The following ACTR3 variants were observed in gnomAD, a reference collection of about 807,000 sequenced individuals.
ACTR3 encodes actin related protein 3.
Under a neutral mutation model 56.8 loss-of-function variants are expected in ACTR3, and 12 were observed. The observed-to-expected ratio is 0.21, with a 90% CI of 0.14 to 0.34. The LOEUF (loss-of-function observed/expected upper bound fraction) is 0.34, where lower values mean the gene tolerates loss of function less well. Among genes scored for constraint, ACTR3 ranks in the 10% least tolerant of loss-of-function variants. ACTR3 has a pLI of 1.00. For synonymous variants in ACTR3, 162 were observed against 167.4 expected (o/e 0.97, Z 0.25); for missense variants, 282 against 512.5 (o/e 0.55, Z 4.34).
At chr2:113,930,517 A>T (rs963210871) in intron 4 of ACTR3, among the ~76,000 whole-genome samples, 1 of 152,148 alleles carries the variant, frequency 6.6e-6, no homozygotes, top group Admixed American at 6.6e-5. Flanking sequence ...TTTCTTTTAC[A>T]TTTAAGTATT....
intron 6 of ACTR3, among the ~76,000 whole-genome samples, chr2:113,937,500 C>A (rs1186131075): frequency 6.6e-6 from 1 of 152,210 alleles, no homozygotes; most frequent in Non-Finnish European, 1.5e-5. Context: ...TTCCTTCTGT[C>A]AAAATGACAT....
chr2:113,919,302 C>T (rs1204158057), intron 3 of ACTR3, among the ~76,000 whole-genome samples: 1 of 152,074 alleles, frequency 6.6e-6, no homozygotes, highest in Non-Finnish European at 1.5e-5. Flanking sequence ...ATGTGGTCTA[C>T]TCATTGGATT....
chr2:113,913,885 C>A (rs1210085815), intron 2 of ACTR3, among the ~76,000 whole-genome samples: 1 of 152,158 alleles, frequency 6.6e-6, no homozygotes, highest in Admixed American at 6.5e-5. Context: ...CCTTGATTAA[C>A]GTACTTTTAC....
intron 2 of ACTR3, among the ~76,000 whole-genome samples, chr2:113,913,691 T>A (rs1251401701): frequency 2.6e-5 from 4 of 152,220 alleles, no homozygotes; most frequent in Non-Finnish European, 4.4e-5. Context: ...CTATCTCACC[T>A]TTAGAGATGT....
chr2:113,908,876 C>T (rs1679252386), intron 1 of ACTR3, among the ~76,000 whole-genome samples: 1 of 151,920 alleles, frequency 6.6e-6, no homozygotes, highest in African/African-American at 2.4e-5. Context: ...AGATTGTGTC[C>T]TGTACCACAT....
chr2:113,890,318 C>A lies in ACTR3; in HGVS notation c.39C>A (p.Gly13=), dbSNP rs1410997457. 1.3e-6 allele frequency: 2 copies of A among 1,528,502 alleles called. No individual in the cohort carries two copies. Among genetic ancestry groups the A allele is most frequent in the Admixed American group, 2.1e-5 (1 of 48,364 alleles). The allele number at this position is 1,528,502 out of a possible 1,614,324, so 94.7% of individuals were successfully genotyped here. The part of the protein sequence containing the change: ...GRLPACVVDC[G]TGYTKLGYAG... ...TGCCGGCCTGTGTGGTGGACTGTGG[C>A]ACGGGGTAAGGGGGCTTACGGGCGG... The change falls in exon 1 of 12, where the codon GGC becomes GGA. Residue 13 remains glycine, a synonymous_variant. Transcript: ENST00000263238.
chr2:113,948,062 C>G (rs910665547), intron 8 of ACTR3, among the ~76,000 whole-genome samples: 1 of 152,148 alleles, frequency 6.6e-6, no homozygotes, highest in African/African-American at 2.4e-5. Context: ...CTAGAGGTAA[C>G]CACTTCAAAC....
chr2:113,913,785 C>G (rs546820646), intron 2 of ACTR3, among the ~76,000 whole-genome samples: 1 of 152,262 alleles, frequency 6.6e-6, no homozygotes, highest in East Asian at 1.9e-4. Flanking sequence ...TTTTGTTAAT[C>G]TTGCTTAAGC....
At chr2:113,897,675 C>T (rs532517508) in intron 1 of ACTR3, among the ~76,000 whole-genome samples, 13 of 151,844 alleles carry the variant, frequency 8.6e-5, no homozygotes, top group African/African-American at 2.4e-4. Context: ...TATAGGCACC[C>T]GCCACGATGC....
chr2:113,934,840 A>G (rs986785777), intron 6 of ACTR3, among the ~76,000 whole-genome samples: 1 of 152,250 alleles, frequency 6.6e-6, no homozygotes, highest in East Asian at 1.9e-4. Flanking sequence ...CAGAAATAAC[A>G]TTTTTCTTCC....
chr2:113,894,612 A>G (rs567417157), intron 1 of ACTR3, among the ~76,000 whole-genome samples: 14 of 152,278 alleles, frequency 9.2e-5, no homozygotes, highest in Admixed American at 7.2e-4. Flanking sequence ...GTGTTGAAAT[A>G]TTGACTTTGG....
At chr2:113,935,820 T>C (rs1469394213) in intron 6 of ACTR3, among the ~76,000 whole-genome samples, 1 of 152,184 alleles carries the variant, frequency 6.6e-6, no homozygotes, top group East Asian at 1.9e-4. Context: ...TTGACTTGCC[T>C]AAGGTCACCA....
Position 113,958,293 on chromosome 2 carries a change from A to T in ACTR3, c.*838A>T, listed in dbSNP as rs547021843. 37 of 152,714 alleles carry T rather than the reference A, an allele frequency of 2.4e-4. No individual in the cohort carries two copies. Among genetic ancestry groups the T allele is most frequent in the African/African-American group, 8.7e-4 (36 of 41,588 alleles). 9.5% of individuals were successfully genotyped at this position (152,714 alleles called of 1,614,324 possible). ...AGCCTCTTTAATCTCTTTATAAGTT[A>T]ACTAATAAATCTATTTTCTTCAGAC... On this transcript the variant is annotated 3_prime_UTR_variant, in exon 12 of 12. Transcript: ENST00000263238.
chr2:113,913,389 CTATT>C (rs35359787), intron 2 of ACTR3, among the ~76,000 whole-genome samples, 162 bp downstream of exon 2: 7,237 of 152,208 alleles, frequency 0.048, 227 homozygotes, highest in Non-Finnish European at 0.071. Context: ...GTATGTCTGA[CTATT>C]CATTTCAGCT....
At chr2:113,889,962 C>G, upstream of ACTR3, 1 of 531,718 alleles carries the variant, frequency 1.9e-6, no homozygotes, top group Non-Finnish European at 3.3e-6. Flanking sequence ...CGGCGGCCAT[C>G]TTGGCTTCCC....
chr2:113,931,415 TC>T lies in ACTR3; in HGVS notation c.432+20del. 1 of 1,493,834 alleles carries T rather than the reference TC, an allele frequency of 6.7e-7. No individual in the cohort carries two copies. The highest frequency in any genetic ancestry group is 9.0e-7 in the Non-Finnish European group (1 of 1,107,878). The allele number at this position is 1,493,834 out of a possible 1,614,324, so 92.5% of individuals were successfully genotyped here. ...TGTGCAGGTAAGCAAGTTCATACTTTCTAAGTTTGATTCTTACATTTTAACC... is the reference window on the plus strand; with the variant it reads ...TGTGCAGGTAAGCAAGTTCATACTTTTAAGTTTGATTCTTACATTTTAACC... On this transcript the variant is annotated intron_variant, in intron 5 of 11. Transcript: ENST00000263238.
At chr2:113,955,330 A>AT (rs1436336649) in intron 10 of ACTR3, 3 of 214,706 alleles carry the variant, frequency 1.4e-5, no homozygotes, top group South Asian at 3.4e-4. Context: ...TTAAGGTGTT[A>AT]TTTTTTAGTA....
chr2:113,895,096 A>G (rs1678982984), intron 1 of ACTR3, among the ~76,000 whole-genome samples: 1 of 111,486 alleles, frequency 9.0e-6, no homozygotes, highest in African/African-American at 3.6e-5. Flanking sequence ...GTGAATGCCT[A>G]GACTATTTCC....
chr2:113,934,107 G>A (rs1679776377), intron 5 of ACTR3, 172 bp from the exon 6 acceptor site: 2 of 557,150 alleles, frequency 3.6e-6, no homozygotes, highest in East Asian at 6.4e-5. Flanking sequence ...TAGGGAGTGA[G>A]CTATTTTATT....
Sources: gnomAD v4.1 joint callset for allele counts (sites outside exome capture counted in the v4.1 genomes callset) on GRCh38, gnomAD v4.1.1 for gene constraint, MANE v1.5 for transcripts, NCBI Gene and HGNC (gene_info 2026-07-23, HGNC 2026-07-21) for gene names.